Variants in NBN observed in about 807,000 individuals in gnomAD.
NBN encodes the protein nibrin.
NBN carries 88 observed loss-of-function variants against 90.8 expected under a neutral mutation model. The observed-to-expected ratio is 0.97, with a 90% CI of 0.82 to 1.16. The LOEUF (loss-of-function observed/expected upper bound fraction) is 1.16, where lower values mean the gene tolerates loss of function less well. NBN is among the 50% of genes most tolerant of loss of function. NBN has a pLI of 0.00. For synonymous variants in NBN, 328 were observed against 295.1 expected, an observed-to-expected ratio of 1.11 and a Z score of -1.14; for missense variants, 894 against 869.6, an observed-to-expected ratio of 1.03 and a Z score of -0.35.
At chr8:89,983,198 C>T (rs118026302) in intron 1 of NBN, among the ~76,000 whole-genome samples, 305 of 152,118 alleles carry the variant, frequency 2.0e-3, no homozygotes, top group Middle Eastern at 6.8e-3. Context: ...GTCAATGTTC[C>T]CTCAAATTAA....
At chr8:89,944,208 T>C in intron 13 of NBN, among the ~76,000 whole-genome samples, 1 of 152,134 alleles carries the variant, frequency 6.6e-6, no homozygotes, top group East Asian at 1.9e-4. Flanking sequence ...ACTTCTTCTC[T>C]AAGCAATTTA....
At chr8:89,946,788 T>C (rs892952062) in intron 12 of NBN, among the ~76,000 whole-genome samples, 1 of 152,212 alleles carries the variant, frequency 6.6e-6, no homozygotes. Context: ...CAATCATCAG[T>C]TCTGGACATA....
intron 3 of NBN, 120 bp downstream of exon 3, chr8:89,981,255 C>T (rs1812049821): frequency 1.8e-6 from 2 of 1,122,890 alleles, no homozygotes; most frequent in South Asian, 2.6e-5. Context: ...GAGTCCAATA[C>T]TGTGCTAAGC....
At chr8:89,936,636 C>A (rs1212756064) in intron 15 of NBN, among the ~76,000 whole-genome samples, 1 of 152,164 alleles carries the variant, frequency 6.6e-6, no homozygotes, top group African/African-American at 2.4e-5. Context: ...AAACTTTAAT[C>A]TAGCCTTTTG....
At chr8:89,949,912 C>A (rs1358314348) in intron 11 of NBN, among the ~76,000 whole-genome samples, 1 of 152,058 alleles carries the variant, frequency 6.6e-6, no homozygotes, top group African/African-American at 2.4e-5. Flanking sequence ...GACTTTCAGA[C>A]AAATTCTTAA....
chr8:89,950,533 T>C (rs1337002302), intron 11 of NBN, among the ~76,000 whole-genome samples: 1 of 152,084 alleles, frequency 6.6e-6, no homozygotes, highest in African/African-American at 2.4e-5. Flanking sequence ...GCCAACTGTA[T>C]CTCAATGAGA....
In NBN at chr8:89,953,694, T is replaced by C; in HGVS notation, c.1398-3A>G. On this transcript the variant is annotated splice_polypyrimidine_tract_variant and splice_region_variant and intron_variant, in intron 10 of 15. Coordinates refer to ENST00000265433, the MANE Select transcript of NBN (RefSeq NM_002485.5). ...CTTGATTTTCTTCATCCCTTTCCCT[T>C]AGATTTAAAAAAAAAGAAGAAAACA... is the stretch of plus-strand genomic sequence containing the variant. The C allele has an allele frequency of 1.2e-6, 2 of 1,602,728 alleles. No individual in the cohort carries two copies. The highest frequency in any genetic ancestry group is 1.7e-6 in the Non-Finnish European group (2 of 1,174,608).
rs772094384 is a variant in NBN at position 89,955,294 on chromosome 8, A to G, written c.1386T>C (p.Ser462=). The G allele has an allele frequency of 6.2e-7, 1 of 1,613,534 alleles. No individual in the cohort carries two copies. The highest frequency in any genetic ancestry group is 1.1e-5 in the South Asian group (1 of 91,042). ...TNSIRNYFQP[S]TKKRERDEEN... Reference sequence around the variant, plus strand: ...TATCAAAAACAGACCTTTTTTTGGTAGACGGCTGAAAGTAGTTTCTGATGG... The same window carrying G: ...TATCAAAAACAGACCTTTTTTTGGTGGACGGCTGAAAGTAGTTTCTGATGG... Residue 462 remains serine, a synonymous_variant, in exon 10 of 16, where the codon TCT becomes TCC. Transcript: ENST00000265433.
chr8:89,942,563 A>C (rs796168349), intron 14 of NBN, among the ~76,000 whole-genome samples: 4 of 152,306 alleles, frequency 2.6e-5, no homozygotes, highest in African/African-American at 9.6e-5. Flanking sequence ...GGCAAATAAT[A>C]TAAAAGGGGA....
At chr8:89,982,102 C>T in intron 2 of NBN, 1 of 379,680 alleles carries the variant, frequency 2.6e-6, no homozygotes, top group Non-Finnish European at 4.8e-6. Flanking sequence ...TTATTACCAC[C>T]AGCGTTATCA....
intron 5 of NBN, among the ~76,000 whole-genome samples, chr8:89,975,817 C>T (rs1439509754): frequency 6.6e-6 from 1 of 152,206 alleles, no homozygotes; most frequent in Non-Finnish European, 1.5e-5. Flanking sequence ...ACTTATCAGA[C>T]TCCTCTATCC....
At position 89,937,076 on chromosome 8, in the gene NBN, C is replaced by T. The variant is rs1057517262; in HGVS notation, c.2185-1G>A. ...CTTCTTTTGCATGTTGATTTTGTAC[C>T]TGTCAAAATTAACATAATTTCAAAC... On this transcript the variant is annotated splice_acceptor_variant, in intron 14 of 15. Coordinates refer to ENST00000265433, the MANE Select transcript of NBN (RefSeq NM_002485.5). LOFTEE classifies it high-confidence loss of function. 3 of 1,611,674 alleles carry T rather than the reference C, an allele frequency of 1.9e-6. No individual in the cohort carries two copies. The highest frequency in any genetic ancestry group is 2.5e-6 in the Non-Finnish European group (3 of 1,178,654).
Position 89,955,398 on chromosome 8 carries a change from T to G in NBN, c.1282A>C (p.Asn428His). The G allele has an allele frequency of 6.2e-7, 1 of 1,613,924 alleles. No homozygotes were observed. Among genetic ancestry groups the G allele is most frequent in the Non-Finnish European group, 8.5e-7 (1 of 1,179,828 alleles). The part of the protein sequence containing the change: ...SNTLAKMRIP[N>H]YQLSPTKLPS... ...AATTTAGTTGGTGAAAGCTGATAGT[T>G]TGGGATTCTCATCTTAGCCAAAGTA... Residue 428 changes from asparagine to histidine, a missense_variant, in exon 10 of 16, where the codon AAC becomes CAC. Coordinates refer to ENST00000265433, the MANE Select transcript of NBN (RefSeq NM_002485.5).
At chr8:89,956,384 T>TA (rs1254230597) in intron 9 of NBN, among the ~76,000 whole-genome samples, 3 of 151,944 alleles carry the variant, frequency 2.0e-5, no homozygotes, top group African/African-American at 7.2e-5. Flanking sequence ...ATATTTAAAA[T>TA]AAAAAACATA....
Position 89,933,670 on chromosome 8 carries a change from T to C in NBN, c.*1912A>G, listed in dbSNP as rs955188562. The C allele has an allele frequency of 8.6e-6, 2 of 232,190 alleles. No homozygotes were observed. Among genetic ancestry groups the C allele is most frequent in the Non-Finnish European group, 1.7e-5 (2 of 117,548 alleles). The allele number at this position is 232,190 out of a possible 1,614,324, so 14.4% of individuals were successfully genotyped here. ...ATATAAAAATATAAAGTTTATATAA[T>C]AGAGCAGAATATCTGAAATCTTGGG... On this transcript the variant is annotated 3_prime_UTR_variant, in exon 16 of 16. Coordinates refer to ENST00000265433, the MANE Select transcript of NBN (RefSeq NM_002485.5).
rs10631091 is a variant in NBN at position 89,943,038 on chromosome 8, C to CTT, written c.2184+213_2184+214dup. Among the ~76,000 whole-genome samples, 3,254 of 139,656 alleles carry CTT rather than the reference C, an allele frequency of 0.023. 122 individuals are homozygous for CTT. Among genetic ancestry groups the CTT allele is most frequent in the African/African-American group, 0.076 (2,930 of 38,364 alleles). The allele number at this position is 139,656 out of a possible 152,430, so 91.6% of individuals were successfully genotyped here. A position where few individuals can be genotyped will look rare whatever the true frequency, so the allele number is the denominator to read the frequency against. On this transcript the variant is annotated intron_variant, in intron 14 of 15. Transcript: ENST00000265433. ...GTAAACTGAATTTCTTAGGTCTCAC[C>CTT]TTTTTTTTTTTTTTTAACAAAAATA...
chr8:89,958,685 A>G (rs1296750051), intron 9 of NBN, 40 bp downstream of exon 9: 1 of 1,595,664 alleles, frequency 6.3e-7, no homozygotes, highest in South Asian at 1.1e-5. Flanking sequence ...TAATTTATTG[A>G]TAGAATAATA....
At position 89,982,804 on chromosome 8, in the gene NBN, T is replaced by A; in HGVS notation, c.89A>T (p.Asn30Ile). 6.2e-7 allele frequency: 1 copy of A among 1,613,636 alleles called. No individual in the cohort carries two copies. Among genetic ancestry groups the A allele is most frequent in the East Asian group, 2.2e-5 (1 of 44,858 alleles). The change falls in exon 2 of 16, where the codon AAC (asparagine) becomes ATC (isoleucine). Residue 30 changes from asparagine (N) to isoleucine (I), a missense_variant. Transcript: ENST00000265433. The stretch of plus-strand genomic sequence containing the variant: ...ATCATTTTCAATCAGAATGGCACAG[T>A]TTTTCCTTCCAACAACGTACTCAAC... ...TGVEYVVGRKNCAILIENDQS... is the reference protein window; with the variant it reads ...TGVEYVVGRKICAILIENDQS...
At chr8:89,952,122 T>C (rs1192867952) in intron 11 of NBN, among the ~76,000 whole-genome samples, 1 of 152,066 alleles carries the variant, frequency 6.6e-6, no homozygotes, top group Non-Finnish European at 1.5e-5. Context: ...ACCTAGTAAA[T>C]TAATACCATG....
Sources: allele counts gnomAD v4.1 joint callset (sites outside exome capture counted in the v4.1 genomes callset), GRCh38; gene constraint gnomAD v4.1.1; transcripts MANE v1.5; gene names NCBI Gene and HGNC (gene_info 2026-07-23, HGNC 2026-07-21).